The following ASTN2 variants were observed in gnomAD, a reference collection of about 807,000 sequenced individuals.
ASTN2 encodes the protein astrotactin 2.
ASTN2 carries 54 observed loss-of-function variants against 139.8 expected under a neutral mutation model. The observed-to-expected ratio is 0.39, with a 90% confidence interval of 0.31 to 0.48. The LOEUF is 0.48. Among genes scored for constraint, ASTN2 ranks in the 20% least tolerant of loss-of-function variants. ASTN2 has a pLI of 0.95. For missense variants in ASTN2, 1,565 were observed against 1,725.1 expected (o/e 0.91, Z 1.64); for synonymous variants, 756 against 719.5 (o/e 1.05, Z -0.81).
chr9:117,219,789 C>G (rs555736202), intron 2 of ASTN2, among the ~76,000 whole-genome samples: 1 of 152,282 alleles, frequency 6.6e-6, no homozygotes, highest in Non-Finnish European at 1.5e-5. Context: ...TTACAAGTCT[C>G]TCTAGGCAGG....
At chr9:116,936,143 C>A (rs1470686539) in intron 10 of ASTN2, among the ~76,000 whole-genome samples, 1 of 1,206 alleles carries the variant, frequency 8.3e-4, no homozygotes, top group African/African-American at 3.4e-3. Flanking sequence ...ACCACTGCCA[C>A]CAATACCACC....
At chr9:116,468,013 G>A (rs1320579961) in intron 20 of ASTN2, among the ~76,000 whole-genome samples, 2 of 152,146 alleles carry the variant, frequency 1.3e-5, no homozygotes, top group Non-Finnish European at 2.9e-5. Flanking sequence ...CCAGGCTCTG[G>A]GAAAGACCCA....
intron 3 of ASTN2, among the ~76,000 whole-genome samples, chr9:117,213,749 T>G (rs1832218514): frequency 6.6e-6 from 1 of 152,202 alleles, no homozygotes; most frequent in African/African-American, 2.4e-5. Flanking sequence ...GAGTGTCAGT[T>G]TGGGTGTTAT....
intron 19 of ASTN2, among the ~76,000 whole-genome samples, chr9:116,505,962 G>A (rs549583721): frequency 6.8e-4 from 104 of 152,266 alleles, no homozygotes; most frequent in Non-Finnish European, 1.3e-3. Context: ...CCTGATCACT[G>A]TAACTAAATG....
At chr9:117,149,791 C>A (rs2132876796) in intron 3 of ASTN2, among the ~76,000 whole-genome samples, 1 of 152,282 alleles carries the variant, frequency 6.6e-6, no homozygotes, top group South Asian at 2.1e-4. Flanking sequence ...AAATTTAAAA[C>A]CCAAGCACAC....
chr9:117,414,947 G>A lies in ASTN2; in HGVS notation c.-9C>T. On this transcript the variant is annotated 5_prime_UTR_variant, in exon 1 of 23. Transcript: ENST00000313400. The surrounding 1 kb of genome is among the most constrained non-coding windows in gnomAD (Gnocchi z 4.2). ...GCGCCGGCGGCGGCCATGGCGGGAG[G>A]GGCTGCGGTGCTGCGGGCGGCGGCG... The A allele has an allele frequency of 3.4e-6, 1 of 296,504 alleles. No individual in the cohort carries two copies. Among genetic ancestry groups the A allele is most frequent in the Non-Finnish European group, 5.4e-6 (1 of 185,978 alleles). The allele number at this position is 296,504 out of a possible 1,614,324, so 18.4% of individuals were successfully genotyped here.
chr9:117,183,533 GA>G (rs1322924594), intron 3 of ASTN2, among the ~76,000 whole-genome samples: 1 of 152,120 alleles, frequency 6.6e-6, no homozygotes, highest in African/African-American at 2.4e-5. Context: ...TTTTAGAAAC[GA>G]GGACAGTGAG....
intron 13 of ASTN2, among the ~76,000 whole-genome samples, chr9:116,790,312 G>A (rs1264667835): frequency 1.3e-5 from 2 of 152,098 alleles, no homozygotes. Context: ...TTCATGGTGA[G>A]AAAACTGAGG....
chr9:117,391,265 T>C (rs1217066393), intron 1 of ASTN2, among the ~76,000 whole-genome samples: 1 of 152,124 alleles, frequency 6.6e-6, no homozygotes, highest in Non-Finnish European at 1.5e-5. Context: ...ATCATGAATT[T>C]AAGTATGAGT....
chr9:117,094,282 G>A (rs1196836416), intron 5 of ASTN2, among the ~76,000 whole-genome samples: 1 of 152,088 alleles, frequency 6.6e-6, no homozygotes, highest in South Asian at 2.1e-4. Context: ...GGGATGGAAG[G>A]AGAGAGAAAG....
intron 2 of ASTN2, among the ~76,000 whole-genome samples, chr9:117,262,457 A>G (rs2133110801): frequency 6.7e-6 from 1 of 149,310 alleles, no homozygotes; most frequent in East Asian, 2.0e-4. Flanking sequence ...TTCATTTTTA[A>G]TAAAGACCTA....
chr9:116,636,148 A>G (rs1213185872), intron 17 of ASTN2, among the ~76,000 whole-genome samples: 3 of 152,190 alleles, frequency 2.0e-5, no homozygotes, highest in African/African-American at 4.8e-5. Flanking sequence ...ACCTACTGCT[A>G]TGTAATACTG....
chr9:116,863,212 T>A (rs1832936695), intron 11 of ASTN2, among the ~76,000 whole-genome samples: 1 of 152,158 alleles, frequency 6.6e-6, no homozygotes, highest in South Asian at 2.1e-4. Context: ...CCAAAGCACC[T>A]GTCCATACTA....
At chr9:117,322,318 C>T (rs936154522) in intron 1 of ASTN2, among the ~76,000 whole-genome samples, 8 of 152,156 alleles carry the variant, frequency 5.3e-5, no homozygotes, top group Non-Finnish European at 7.3e-5. Flanking sequence ...AACACCGTGC[C>T]CTAGCACTGA....
At chr9:116,440,485 C>G in intron 22 of ASTN2, 124 bp downstream of exon 22, 1 of 897,638 alleles carries the variant, frequency 1.1e-6, no homozygotes, top group South Asian at 1.9e-5. Flanking sequence ...CTTGACACGA[C>G]CAAGGTGATA....
chr9:116,573,354 G>A (rs1395323066), intron 19 of ASTN2, among the ~76,000 whole-genome samples: 1 of 152,188 alleles, frequency 6.6e-6, no homozygotes, highest in East Asian at 1.9e-4. Flanking sequence ...ATTTGAAGGT[G>A]TGGCCAAATA....
At chr9:117,094,872 C>G (rs1183641724) in intron 5 of ASTN2, among the ~76,000 whole-genome samples, 1 of 152,190 alleles carries the variant, frequency 6.6e-6, no homozygotes, top group Non-Finnish European at 1.5e-5. Context: ...TTACAAGGTA[C>G]AGCTTGTAGA....
chr9:116,898,969 T>C (rs896658325), intron 10 of ASTN2, among the ~76,000 whole-genome samples: 1 of 152,196 alleles, frequency 6.6e-6, no homozygotes, highest in African/African-American at 2.4e-5. Flanking sequence ...AGCTACCATA[T>C]GCAGTGTTAT....
chr9:117,275,980 G>A (rs1356615263), intron 2 of ASTN2, among the ~76,000 whole-genome samples: 2 of 151,972 alleles, frequency 1.3e-5, no homozygotes, highest in Non-Finnish European at 2.9e-5. Flanking sequence ...AATTTGCAGG[G>A]GAACACAATT....
Sources: allele counts gnomAD v4.1 joint callset (sites outside exome capture counted in the v4.1 genomes callset), GRCh38; gene constraint gnomAD v4.1.1; non-coding constraint Gnocchi (gnomAD v3.1); transcripts MANE v1.5; gene names NCBI Gene and HGNC (gene_info 2026-07-23, HGNC 2026-07-21).